The following NUDT19 variants were observed in gnomAD, a reference collection of about 807,000 sequenced individuals.
NUDT19 encodes the protein acyl-coenzyme A diphosphatase NUDT19.
Under a neutral mutation model 22.2 loss-of-function variants are expected in NUDT19, and 31 were observed. The ratio of observed to expected loss-of-function variants is 1.40; its 90% CI spans 1.05 to 1.89. The LOEUF is 1.89. Among genes scored for constraint, NUDT19 ranks in the 40% most tolerant of loss-of-function variants. The pLI is 0.00. For missense variants in NUDT19, 752 were observed against 514.2 expected (o/e 1.46, Z -4.47); for synonymous variants, 325 against 230.8 (o/e 1.41, Z -3.70).
chr19:32,700,372 T>G (rs373865608), intron 1 of NUDT19, among the ~76,000 whole-genome samples: 1 of 152,106 alleles, frequency 6.6e-6, no homozygotes, highest in Non-Finnish European at 1.5e-5. Flanking sequence ...GAGTACTGAT[T>G]GGTGCGTTTA....
chr19:32,694,683 C>T (rs1402698629), intron 1 of NUDT19, among the ~76,000 whole-genome samples: 1 of 152,082 alleles, frequency 6.6e-6, no homozygotes, highest in Non-Finnish European at 1.5e-5. Flanking sequence ...TTTTAGCAAA[C>T]TTTACTTTTG....
intron 1 of NUDT19, among the ~76,000 whole-genome samples, chr19:32,707,537 G>A (rs1968399062): frequency 1.3e-5 from 2 of 152,166 alleles, no homozygotes; most frequent in African/African-American, 2.4e-5. Flanking sequence ...TGGATATTTA[G>A]TAAACCAAGT....
intron 1 of NUDT19, among the ~76,000 whole-genome samples, chr19:32,705,142 G>A (rs1028675160): frequency 6.7e-6 from 1 of 149,240 alleles, no homozygotes; most frequent in Non-Finnish European, 1.5e-5. Flanking sequence ...TTGGAACTTG[G>A]CTGGGTGCAG....
At position 32,709,210 on chromosome 19, in the gene NUDT19, A is replaced by G; in HGVS notation, c.740A>G (p.Glu247Gly). The G allele has an allele frequency of 6.2e-7, 1 of 1,613,650 alleles. No homozygotes were observed. Among genetic ancestry groups the G allele is most frequent in the South Asian group, 1.1e-5 (1 of 91,052 alleles). The change falls in exon 2 of 3, where the codon GAA (glutamate) becomes GGA (glycine). Residue 247 changes from glutamate (E) to glycine (G), a missense_variant. Glu to Gly is a moderately conservative substitution (Grantham distance 98, BLOSUM62 -2). Coordinates refer to ENST00000397061, the MANE Select transcript of NUDT19 (RefSeq NM_001105570.2). ...YQWSSPSEAT[E>G]SFLSKEIWLP... is the part of the protein sequence containing the mutation. Reference sequence around the variant, plus strand: ...TGGTCATCTCCATCAGAGGCAACTGAAAGTTTCTTATCAAAAGAAATTTGG... The same window carrying G: ...TGGTCATCTCCATCAGAGGCAACTGGAAGTTTCTTATCAAAAGAAATTTGG...
At position 32,691,976 on chromosome 19, in the gene NUDT19, C is replaced by A. The variant is rs374445377; in HGVS notation, c.16C>A (p.Arg6=). 1,072 of 1,231,562 alleles carry A rather than the reference C, an allele frequency of 8.7e-4. 3 individuals carry two copies. Among genetic ancestry groups the A allele is most frequent in the African/African-American group, 7.6e-3 (486 of 63,922 alleles). 76.3% of individuals were successfully genotyped at this position (1,231,562 alleles called of 1,614,324 possible). Residue 6 remains arginine, a synonymous_variant, in exon 1 of 3, where the codon CGG becomes AGG. Transcript: ENST00000397061. ...GCTGCGCGCCATGAGCAGCTCCCTG[C>A]GGCCGGGCCCCAGCCGCTGGCGGCG... MSSSL[R]PGPSRWRRAA...
In NUDT19 at chr19:32,712,752, C is replaced by T. The variant is rs1378608616; in HGVS notation, c.*795C>T. 3 of 152,206 alleles carry T rather than the reference C, an allele frequency of 2.0e-5. No individual in the cohort carries two copies. Among genetic ancestry groups the T allele is most frequent in the Non-Finnish European group, 2.9e-5 (2 of 68,044 alleles). The allele number at this position is 152,206 out of a possible 1,614,324, so 9.4% of individuals were successfully genotyped here. A position where few individuals can be genotyped will look rare whatever the true frequency, so the allele number is the denominator to read the frequency against. On this transcript the variant is annotated 3_prime_UTR_variant, in exon 3 of 3. Transcript: ENST00000397061. ...TGCTTATTCCATTCTTTAATCCTTA[C>T]AGTGTGCCACACGTATAAAGTTTAT...
In NUDT19 at chr19:32,712,079, T is replaced by G. The variant is rs1968453463; in HGVS notation, c.*122T>G. ...ATAAAAGTTACTGCAATTCAGTATT[T>G]CTTTATTTTTTTCGAGACAGAGTCT... On this transcript the variant is annotated 3_prime_UTR_variant, in exon 3 of 3. Coordinates refer to ENST00000397061, the MANE Select transcript of NUDT19 (RefSeq NM_001105570.2). The G allele has an allele frequency of 1.7e-5, 12 of 721,792 alleles. No homozygotes were observed. The highest frequency in any genetic ancestry group is 2.9e-5 in the Non-Finnish European group (12 of 413,290). The allele number at this position is 721,792 out of a possible 1,614,324, so 44.7% of individuals were successfully genotyped here.
chr19:32,708,011 A>G (rs917447095), intron 1 of NUDT19, among the ~76,000 whole-genome samples: 1 of 150,858 alleles, frequency 6.6e-6, no homozygotes. Context: ...ATTAGCCACG[A>G]TGGTGGCGGG....
Position 32,702,256 on chromosome 19 carries a change from G to C in NUDT19, c.715-6929G>C, listed in dbSNP as rs113282417. ...GGTAATTGACCTTGCAGACATCCCA[G>C]ATAGAAAGCAATTAAGCACCTGCGG... On this transcript the variant is annotated intron_variant, in intron 1 of 2. Transcript: ENST00000397061. 8.9e-3 allele frequency among the ~76,000 whole-genome samples: 1,353 copies of C among 152,280 alleles called. 9 individuals are homozygous for C. Among genetic ancestry groups the C allele is most frequent in the Non-Finnish European group, 0.016 (1,096 of 68,022 alleles).
At position 32,709,452 on chromosome 19, in the gene NUDT19, T is replaced by A. The variant is rs189824124; in HGVS notation, c.922+60T>A. ...TTCACATTCAGTGCCCTGGGCTGCA[T>A]GGCTGTATTGCCCAACGTAGAGACA... On this transcript the variant is annotated intron_variant, in intron 2 of 2. Coordinates refer to ENST00000397061, the MANE Select transcript of NUDT19 (RefSeq NM_001105570.2). The A allele has an allele frequency of 1.6e-3, 2,222 of 1,361,422 alleles. 25 individuals carry two copies. The highest frequency in any genetic ancestry group is 0.015 in the South Asian group (1,309 of 85,936). 84.3% of individuals were successfully genotyped at this position (1,361,422 alleles called of 1,614,324 possible). A position where few individuals can be genotyped will look rare whatever the true frequency, so the allele number is the denominator to read the frequency against.
intron 1 of NUDT19, among the ~76,000 whole-genome samples, chr19:32,707,095 G>T (rs915745185): frequency 1.3e-5 from 2 of 152,208 alleles, no homozygotes; most frequent in African/African-American, 4.8e-5. Context: ...ATTGCATTTT[G>T]TACAATGCTT....
chr19:32,703,111 C>T (rs531204846), intron 1 of NUDT19, among the ~76,000 whole-genome samples: 13 of 152,262 alleles, frequency 8.5e-5, no homozygotes, highest in African/African-American at 2.4e-4. Flanking sequence ...AAGTGATTCT[C>T]CTGCCTCAGC....
chr19:32,697,797 G>A (rs1361509672), intron 1 of NUDT19, among the ~76,000 whole-genome samples: 1 of 152,112 alleles, frequency 6.6e-6, no homozygotes, highest in Admixed American at 6.6e-5. Context: ...GTTTGCCCTC[G>A]ACCCTGTAGG....
chr19:32,692,268 C>G lies in NUDT19; in HGVS notation c.308C>G (p.Ser103Trp). The G allele has an allele frequency of 2.5e-6, 4 of 1,592,492 alleles. No homozygotes were observed. In the South Asian group the frequency reaches 3.3e-5, roughly 13 times the overall value. Residue 103 changes from serine to tryptophan, a missense_variant, in exon 1 of 3, where the codon TCG becomes TGG. Transcript: ENST00000397061. ...PAPFSRTAFP[S>W]LPDTDDHKTD... ...CCATTCAGCCGCACCGCTTTCCCGT[C>G]GCTGCCCGACACCGATGACCACAAG...
chr19:32,702,832 C>T (rs1968349801), intron 1 of NUDT19, among the ~76,000 whole-genome samples: 1 of 152,060 alleles, frequency 6.6e-6, no homozygotes, highest in Admixed American at 6.6e-5. Context: ...AACTATGTCT[C>T]TTTGTAGTTG....
At chr19:32,699,158 C>G (rs751681549) in intron 1 of NUDT19, among the ~76,000 whole-genome samples, 3 of 152,050 alleles carry the variant, frequency 2.0e-5, no homozygotes, top group African/African-American at 7.2e-5. Flanking sequence ...GCCCGGGTGT[C>G]TAAAGAAGGT....
intron 1 of NUDT19, among the ~76,000 whole-genome samples, chr19:32,692,944 C>T (rs986696130): frequency 7.9e-5 from 12 of 152,372 alleles, no homozygotes; most frequent in African/African-American, 2.6e-4. Context: ...TGTGTAAGCA[C>T]TTGTACATGT....
In NUDT19 at chr19:32,692,289, A is replaced by G; in HGVS notation, c.329A>G (p.His110Arg). The change falls in exon 1 of 3, where the codon CAC becomes CGC. Residue 110 changes from histidine to arginine, a missense_variant. His to Arg is a conservative substitution (Grantham distance 29). Transcript: ENST00000397061. Reference sequence around the variant, plus strand: ...CCGTCGCTGCCCGACACCGATGACCACAAGACCGACAACACTGGGACGCTG... The same window carrying G: ...CCGTCGCTGCCCGACACCGATGACCGCAAGACCGACAACACTGGGACGCTG... ...AFPSLPDTDD[H>R]KTDNTGTLPE... 1.3e-6 allele frequency: 2 copies of G among 1,593,584 alleles called. No individual in the cohort carries two copies. Among genetic ancestry groups the G allele is most frequent in the Non-Finnish European group, 1.7e-6 (2 of 1,178,004 alleles).
chr19:32,693,643 G>A (rs1449420912), intron 1 of NUDT19, among the ~76,000 whole-genome samples: 1 of 151,878 alleles, frequency 6.6e-6, no homozygotes, highest in Non-Finnish European at 1.5e-5. Context: ...GTGCGGATTG[G>A]TGCGTTTACA....
Sources: gnomAD v4.1 joint callset for allele counts (sites outside exome capture counted in the v4.1 genomes callset) on GRCh38, gnomAD v4.1.1 for gene constraint, MANE v1.5 for transcripts, NCBI Gene and HGNC (gene_info 2026-07-23, HGNC 2026-07-21) for gene names.